Variants in TLE3 observed in about 807,000 individuals in gnomAD.
The protein encoded by TLE3 is transducin-like enhancer protein 3.
In TLE3, 14 loss-of-function variants were observed where a neutral mutation model predicts 93.0. That is an observed-to-expected ratio of 0.15 (90% CI 0.10 to 0.24). TLE3 has a LOEUF of 0.24. Ranked by LOEUF, TLE3 falls within the 10% of genes least tolerant of loss-of-function variation. TLE3 has a pLI of 1.00. For missense variants in TLE3, 693 were observed against 1,046.6 expected, an observed-to-expected ratio of 0.66 and a Z score of 4.66; for synonymous variants, 451 against 425.0, an observed-to-expected ratio of 1.06 and a Z score of -0.75.
At chr15:70,084,275 G>A (rs2057936593) in intron 4 of TLE3, among the ~76,000 whole-genome samples, 1 of 152,218 alleles carries the variant, frequency 6.6e-6, no homozygotes, top group South Asian at 2.1e-4. Flanking sequence ...AGGGATTCTG[G>A]CAATGTCTAG....
At chr15:70,059,695 C>A (rs2056336481) in intron 9 of TLE3, among the ~76,000 whole-genome samples, 1 of 152,256 alleles carries the variant, frequency 6.6e-6, no homozygotes, top group South Asian at 2.1e-4. Flanking sequence ...CCTGTACCCA[C>A]TGGGCAGCCG....
At chr15:70,067,090 T>G (rs1205814017) in intron 6 of TLE3, among the ~76,000 whole-genome samples, 2 of 152,202 alleles carry the variant, frequency 1.3e-5, no homozygotes, top group Non-Finnish European at 2.9e-5. Context: ...AAACTTGCCA[T>G]GCAGCAAGTC....
In TLE3 at chr15:70,056,347, G is replaced by C; in HGVS notation, c.1279C>G (p.Arg427Gly). Reference protein sequence around the residue: ...AVGFDPHPPMRATGLPSSLAS... With the variant: ...AVGFDPHPPMGATGLPSSLAS... ...AGGCTTGAGGGGAGGCCTGTGGCCC[G>C]CATCGGGGGGTGAGGGTCAAAACCA... Residue 427 changes from arginine (R) to glycine (G), a missense_variant, in exon 14 of 20, where the codon CGG becomes GGG. Physicochemically the swap from Arg to Gly is moderately radical, Grantham distance 125. Around this residue, in one of 4 missense-constraint regions of TLE3, gnomAD observed 405 missense variants for 468.9 expected, o/e 0.86. Transcript: ENST00000451782. The C allele has an allele frequency of 6.2e-7, 1 of 1,613,442 alleles. No individual in the cohort carries two copies.
intron 16 of TLE3, chr15:70,053,590 A>C: frequency 2.2e-6 from 1 of 446,140 alleles, no homozygotes; most frequent in East Asian, 4.3e-5. Flanking sequence ...CCCAGGGACA[A>C]GTCCCCTGGG....
At chr15:70,094,684 A>G (rs897128746) in intron 3 of TLE3, 108 bp from the exon 4 acceptor site, 4 of 826,762 alleles carry the variant, frequency 4.8e-6, no homozygotes, top group East Asian at 2.7e-5. Context: ...TTTACGATAC[A>G]TTTGCTAAAG....
intron 4 of TLE3, among the ~76,000 whole-genome samples, chr15:70,082,739 C>T (rs901561218): frequency 3.9e-5 from 6 of 152,178 alleles, no homozygotes; most frequent in African/African-American, 1.2e-4. Flanking sequence ...TGGCCTGAGC[C>T]GGCCTGTGAG....
intron 10 of TLE3, among the ~76,000 whole-genome samples, chr15:70,059,024 C>T (rs1443549060): frequency 6.6e-6 from 1 of 152,202 alleles, no homozygotes; most frequent in Non-Finnish European, 1.5e-5. Flanking sequence ...TTCCCAATGT[C>T]AAACACAAGT....
At chr15:70,075,956 TC>T in intron 5 of TLE3, 139 bp downstream of exon 5, 1 of 745,736 alleles carries the variant, frequency 1.3e-6, no homozygotes. Flanking sequence ...TCTGGAAATC[TC>T]CAGGTTGTCA....
chr15:70,096,765 A>C lies in TLE3; in HGVS notation c.24+10T>G. 1 of 1,613,400 alleles carries C rather than the reference A, an allele frequency of 6.2e-7. No homozygotes were observed. Among genetic ancestry groups the C allele is most frequent in the Non-Finnish European group, 8.5e-7 (1 of 1,179,700 alleles). ...TAGATGCTTAAATAAACCGAGTTGC[A>C]ATTACTCACCGGATGTCTGCCCTGC... is the stretch of plus-strand genomic sequence containing the variant. On this transcript the variant is annotated intron_variant, in intron 1 of 19. Coordinates refer to ENST00000451782, the MANE Select transcript of TLE3 (RefSeq NM_001105192.3).
chr15:70,068,216 T>C (rs185754458), intron 6 of TLE3, among the ~76,000 whole-genome samples: 2 of 152,264 alleles, frequency 1.3e-5, no homozygotes, highest in Non-Finnish European at 2.9e-5. Context: ...CCTCGGAAGA[T>C]TCTACTGTTA....
At chr15:70,069,725 C>T (rs1235266495) in intron 6 of TLE3, among the ~76,000 whole-genome samples, 3 of 152,216 alleles carry the variant, frequency 2.0e-5, no homozygotes, top group Non-Finnish European at 2.9e-5. Flanking sequence ...GCTTGTCAGA[C>T]GGAGGGTCCG....
In TLE3 at chr15:70,076,096, C is replaced by G. The variant is rs182396500; in HGVS notation, c.297G>C (p.Glu99Asp). The change falls in exon 5 of 20, where the codon GAG becomes GAC. Residue 99 changes from glutamate (E) to aspartate (D), a missense_variant and splice_region_variant. Coordinates refer to ENST00000451782, the MANE Select transcript of TLE3 (RefSeq NM_001105192.3). ...LAQIMPFLSQ[E>D]HQQQVAQAVE... ...AAGAAATAATAAAAGAAGGTCTTAC[C>G]TCTTGTGACAGGAAAGGCATGATCT... 1 of 1,613,792 alleles carries G rather than the reference C, an allele frequency of 6.2e-7. No homozygotes were observed. Among genetic ancestry groups the G allele is most frequent in the Admixed American group, 1.7e-5 (1 of 60,024 alleles).
chr15:70,095,964 G>T, intron 2 of TLE3, 197 bp downstream of exon 2: 1 of 720,296 alleles, frequency 1.4e-6, no homozygotes, highest in African/African-American at 1.8e-5. Flanking sequence ...CCCCACGGGC[G>T]GCGCTGGGAG....
intron 3 of TLE3, 65 bp downstream of exon 3, chr15:70,095,513 C>G (rs1231284399): frequency 6.5e-7 from 1 of 1,546,714 alleles, no homozygotes; most frequent in Admixed American, 2.0e-5. Context: ...CTCCCCAGAT[C>G]CACGCCGCGC....
intron 14 of TLE3, 22 bp downstream of exon 14, chr15:70,056,276 A>G (rs1355760285): frequency 4.3e-6 from 7 of 1,612,426 alleles, no homozygotes; most frequent in African/African-American, 1.3e-5. Context: ...CAAAGCATGC[A>G]GTAAGTATAG....
At chr15:70,092,030 A>G (rs1466311843) in intron 4 of TLE3, among the ~76,000 whole-genome samples, 1 of 150,350 alleles carries the variant, frequency 6.7e-6, no homozygotes, top group African/African-American at 2.5e-5. Context: ...AGATGTAATC[A>G]CACGAACAGT....
chr15:70,093,422 C>T (rs1440292557), intron 4 of TLE3, among the ~76,000 whole-genome samples: 1 of 152,186 alleles, frequency 6.6e-6, no homozygotes, highest in Non-Finnish European at 1.5e-5. Flanking sequence ...GGTCCTGCCT[C>T]CTTAAAGAGC....
At chr15:70,096,750 A>C (rs1224042469) in intron 1 of TLE3, 25 bp downstream of exon 1, 1 of 1,612,920 alleles carries the variant, frequency 6.2e-7, no homozygotes, top group Non-Finnish European at 8.5e-7. Context: ...TAGATGCTTA[A>C]ATAAACCGAG....
At position 70,048,018 on chromosome 15, in the gene TLE3, AG is replaced by A. The variant is rs2055217728; in HGVS notation, c.*2078del. On this transcript the variant is annotated 3_prime_UTR_variant, in exon 20 of 20. Coordinates refer to ENST00000451782, the MANE Select transcript of TLE3 (RefSeq NM_001105192.3). ...CCTGCTGCGATGCTGGGTATCTGGA[AG>A]GGGAGAAGGGGGTGGAAGCAGCGCA... 1 of 151,852 alleles carries A rather than the reference AG, an allele frequency of 6.6e-6. No homozygotes were observed. The highest frequency in any genetic ancestry group is 1.5e-5 in the Non-Finnish European group (1 of 68,010). The allele number at this position is 151,852 out of a possible 1,614,324, so 9.4% of individuals were successfully genotyped here.
Sources: gnomAD v4.1 joint callset for allele counts (sites outside exome capture counted in the v4.1 genomes callset) on GRCh38, gnomAD v4.1.1 for gene constraint, gnomAD v4.1.1 regional missense constraint, MANE v1.5 for transcripts, NCBI Gene and HGNC (gene_info 2026-07-23, HGNC 2026-07-21) for gene names.